Variants in CSMD1 observed in about 807,000 individuals in gnomAD.
CSMD1 encodes CUB and Sushi multiple domains 1.
CSMD1 carries 213 observed loss-of-function variants against 417.5 expected under a neutral mutation model. The observed-to-expected ratio is 0.51, with a 90% CI of 0.46 to 0.57. The LOEUF (loss-of-function observed/expected upper bound fraction) is 0.57. Among genes scored for constraint, CSMD1 ranks in the 20% least tolerant of loss-of-function variants. CSMD1 has a pLI of 0.00. For missense variants in CSMD1, 6,923 were observed against 4,529.7 expected, an observed-to-expected ratio of 1.53 and a Z score of -15.17; for synonymous variants, 2,862 against 1,736.8, an observed-to-expected ratio of 1.65 and a Z score of -16.11.
At chr8:4,644,841 A>G (rs1803419870) in intron 1 of CSMD1, among the ~76,000 whole-genome samples, 1 of 152,252 alleles carries the variant, frequency 6.6e-6, no homozygotes, top group African/African-American at 2.4e-5. Flanking sequence ...TGGCTTGTTT[A>G]TATGCCCATT....
intron 5 of CSMD1, among the ~76,000 whole-genome samples, chr8:3,892,044 G>A (rs910312620): frequency 6.6e-6 from 1 of 151,862 alleles, no homozygotes; most frequent in Non-Finnish European, 1.5e-5. Context: ...AAAAAATTAA[G>A]GAAAGTCACA....
intron 6 of CSMD1, among the ~76,000 whole-genome samples, chr8:3,710,437 T>C (rs1429573836): frequency 6.6e-6 from 1 of 152,140 alleles, no homozygotes; most frequent in African/African-American, 2.4e-5. Context: ...TAGTATGGTG[T>C]CCTGAGCCCA....
chr8:4,231,309 G>C (rs941126082), intron 3 of CSMD1, among the ~76,000 whole-genome samples: 1 of 152,186 alleles, frequency 6.6e-6, no homozygotes, highest in African/African-American at 2.4e-5. Context: ...GAGGCTCAGA[G>C]TCATGGGTCC....
At chr8:3,897,154 C>A (rs905688655) in intron 5 of CSMD1, among the ~76,000 whole-genome samples, 1 of 152,100 alleles carries the variant, frequency 6.6e-6, no homozygotes, top group African/African-American at 2.4e-5. Flanking sequence ...AAACAGGAGT[C>A]TGAATTTCAA....
intron 2 of CSMD1, among the ~76,000 whole-genome samples, chr8:4,464,115 T>A (rs1165981047): frequency 1.3e-5 from 2 of 151,638 alleles, no homozygotes; most frequent in African/African-American, 2.4e-5. Flanking sequence ...GAGATAGAGC[T>A]CAGAACCTTG....
At chr8:3,159,124 A>C (rs1241061272) in intron 38 of CSMD1, among the ~76,000 whole-genome samples, 2 of 152,228 alleles carry the variant, frequency 1.3e-5, no homozygotes, top group African/African-American at 4.8e-5. Flanking sequence ...TCGACGCATT[A>C]AATTATCCTT....
At chr8:4,074,145 A>T (rs1799701764) in intron 3 of CSMD1, among the ~76,000 whole-genome samples, 1 of 152,082 alleles carries the variant, frequency 6.6e-6, no homozygotes, top group African/African-American at 2.4e-5. Flanking sequence ...CTCCACGTAA[A>T]CATATACATA....
intron 3 of CSMD1, among the ~76,000 whole-genome samples, chr8:4,305,494 A>C (rs915106594): frequency 6.6e-6 from 1 of 152,246 alleles, no homozygotes; most frequent in Non-Finnish European, 1.5e-5. Flanking sequence ...TTTTACAGGC[A>C]CTGCTTTCCC....
intron 3 of CSMD1, among the ~76,000 whole-genome samples, chr8:4,129,096 AAC>A (rs1802939210): frequency 6.6e-6 from 1 of 150,838 alleles, no homozygotes; most frequent in Non-Finnish European, 1.5e-5. Context: ...AAAAAAACAA[AAC>A]AAAAAAAACA....
At chr8:4,956,479 G>A (rs950911830) in intron 1 of CSMD1, among the ~76,000 whole-genome samples, 2 of 147,610 alleles carry the variant, frequency 1.4e-5, no homozygotes, top group African/African-American at 5.0e-5. Flanking sequence ...ATTATAAAAT[G>A]CATATGTGTA....
intron 1 of CSMD1, among the ~76,000 whole-genome samples, chr8:4,757,489 G>A (rs1049769626): frequency 1.3e-5 from 2 of 152,116 alleles, no homozygotes; most frequent in African/African-American, 2.4e-5. Flanking sequence ...AATGAGTACC[G>A]CAGCTAGGCA....
intron 7 of CSMD1, among the ~76,000 whole-genome samples, chr8:3,652,843 T>C (rs926617745): frequency 4.6e-5 from 7 of 152,170 alleles, no homozygotes; most frequent in East Asian, 3.9e-4. Flanking sequence ...CACTACCGTA[T>C]TGGCAGAACC....
intron 3 of CSMD1, among the ~76,000 whole-genome samples, chr8:4,260,100 G>A (rs886881316): frequency 6.6e-6 from 1 of 151,796 alleles, no homozygotes; most frequent in Non-Finnish European, 1.5e-5. Context: ...ACTAGAAATT[G>A]CTAGACTCTT....
chr8:4,473,639 T>C (rs560848751), intron 2 of CSMD1, among the ~76,000 whole-genome samples: 1 of 152,164 alleles, frequency 6.6e-6, no homozygotes, highest in Non-Finnish European at 1.5e-5. Flanking sequence ...GGAGTTTAGT[T>C]TCCTTTATCT....
intron 2 of CSMD1, among the ~76,000 whole-genome samples, chr8:4,442,621 C>T (rs62481011): frequency 0.14 from 20,923 of 152,034 alleles, 1,661 homozygotes; most frequent in East Asian, 0.27. Context: ...AGAAGCAAGC[C>T]CTCTGGATTG....
At chr8:4,854,711 TA>T in intron 1 of CSMD1, among the ~76,000 whole-genome samples, 1 of 152,200 alleles carries the variant, frequency 6.6e-6, no homozygotes, top group East Asian at 1.9e-4. Context: ...CCGACGGGCT[TA>T]AAAAACGGTG....
intron 2 of CSMD1, among the ~76,000 whole-genome samples, chr8:4,430,323 T>C (rs561364833): frequency 2.0e-5 from 3 of 152,310 alleles, no homozygotes; most frequent in East Asian, 3.9e-4. Context: ...CATATTGCTT[T>C]AACTGATAGT....
At chr8:3,998,945 TAAC>T (rs1025066027) in intron 4 of CSMD1, among the ~76,000 whole-genome samples, 71 of 148,722 alleles carry the variant, frequency 4.8e-4, no homozygotes, top group African/African-American at 1.3e-3. Context: ...TATATATAAA[TAAC>T]AAACTATATG....
chr8:4,746,139 G>A (rs898691465), intron 1 of CSMD1, among the ~76,000 whole-genome samples: 1 of 152,026 alleles, frequency 6.6e-6, no homozygotes, highest in Admixed American at 6.6e-5. Flanking sequence ...CCCTCTTTGG[G>A]CCCTGTTTCT....
Sources: gnomAD v4.1 joint callset for allele counts (sites outside exome capture counted in the v4.1 genomes callset) on GRCh38, gnomAD v4.1.1 for gene constraint, MANE v1.5 for transcripts, NCBI Gene and HGNC (gene_info 2026-07-23, HGNC 2026-07-21) for gene names.